FAM184A: variants seen among roughly 807,000 people sequenced by gnomAD.
FAM184A encodes the protein protein FAM184A.
In FAM184A, 99 loss-of-function variants were observed where a neutral mutation model predicts 143.8. The observed-to-expected ratio is 0.69, with a 90% confidence interval of 0.58 to 0.81. The LOEUF is 0.81. Ranked by LOEUF, FAM184A falls within the 40% of genes least tolerant of loss-of-function variation. The probability of loss-of-function intolerance (pLI) is 0.00; values close to 1 mark genes in which losing one functional copy is unlikely to be tolerated. For missense variants in FAM184A, 1,217 were observed against 1,310.5 expected, an observed-to-expected ratio of 0.93 and a Z score of 1.10; for synonymous variants, 427 against 446.4, an observed-to-expected ratio of 0.96 and a Z score of 0.55.
chr6:119,054,793 G>C (rs933144933), intron 1 of FAM184A, among the ~76,000 whole-genome samples: 1 of 152,124 alleles, frequency 6.6e-6, no homozygotes. Context: ...AATTCACATA[G>C]ACTTCTTGCC....
chr6:119,124,248 C>T (rs1216804115), intron 1 of FAM184A, among the ~76,000 whole-genome samples: 1 of 152,138 alleles, frequency 6.6e-6, no homozygotes, highest in South Asian at 2.1e-4. Flanking sequence ...GGCAGCATTG[C>T]TCTTACTCTA....
At chr6:118,970,860 A>T (rs2114555893) in intron 14 of FAM184A, among the ~76,000 whole-genome samples, 1 of 152,338 alleles carries the variant, frequency 6.6e-6, no homozygotes, top group South Asian at 2.1e-4. Context: ...AATGTCTGTG[A>T]TTCATGGACA....
At chr6:119,102,941 C>G (rs1207541397) in intron 1 of FAM184A, among the ~76,000 whole-genome samples, 5 of 152,118 alleles carry the variant, frequency 3.3e-5, no homozygotes, top group Non-Finnish European at 7.4e-5. Context: ...ACAATGTCTA[C>G]TCCCTTCTTA....
intron 1 of FAM184A, among the ~76,000 whole-genome samples, chr6:119,037,172 T>A (rs1786145376): frequency 6.6e-6 from 1 of 152,238 alleles, no homozygotes; most frequent in South Asian, 2.1e-4. Context: ...TCTGTTTGTA[T>A]GCCTACAATG....
At chr6:119,037,458 A>G (rs1786156557) in intron 1 of FAM184A, among the ~76,000 whole-genome samples, 1 of 152,158 alleles carries the variant, frequency 6.6e-6, no homozygotes, top group Non-Finnish European at 1.5e-5. Flanking sequence ...GTGCCACTAC[A>G]CCTGGCTTTG....
At chr6:119,041,681 C>T (rs1456689968) in intron 1 of FAM184A, among the ~76,000 whole-genome samples, 1 of 152,140 alleles carries the variant, frequency 6.6e-6, no homozygotes, top group Non-Finnish European at 1.5e-5. Flanking sequence ...TGTTTGTCAC[C>T]TTCGCAGACC....
rs1582565001 is a variant in FAM184A at position 119,057,712 on chromosome 6, C to T, written c.159+20429G>A. 2.0e-5 allele frequency among the ~76,000 whole-genome samples: 3 copies of T among 152,136 alleles called. No individual in the cohort carries two copies. In the East Asian group the frequency reaches 5.8e-4, roughly 29 times the overall value. On this transcript the variant is annotated intron_variant, in intron 1 of 17. Coordinates refer to ENST00000338891, the MANE Select transcript of FAM184A (RefSeq NM_024581.6). ...AAGCCGTGATTGAGCCTGTGCACTC[C>T]ACCCCAGGTGACAGAGGGCAACCTT...
At chr6:119,048,923 G>C (rs566881391) in intron 1 of FAM184A, among the ~76,000 whole-genome samples, 1 of 152,210 alleles carries the variant, frequency 6.6e-6, no homozygotes, top group East Asian at 1.9e-4. Flanking sequence ...CATTAAAATG[G>C]CCATACTGAC....
At chr6:118,987,209 T>C (rs1209884742) in intron 9 of FAM184A, among the ~76,000 whole-genome samples, 2 of 152,198 alleles carry the variant, frequency 1.3e-5, no homozygotes. Flanking sequence ...GTCATACCTA[T>C]TCGTTTACAT....
chr6:119,067,750 T>C (rs1382194990), intron 1 of FAM184A, among the ~76,000 whole-genome samples: 1 of 152,170 alleles, frequency 6.6e-6, no homozygotes, highest in African/African-American at 2.4e-5. Context: ...CTATATTTTA[T>C]TTGCTGCTCA....
At chr6:119,028,471 G>A (rs774088598) in intron 1 of FAM184A, among the ~76,000 whole-genome samples, 15 of 152,262 alleles carry the variant, frequency 9.9e-5, no homozygotes, top group African/African-American at 1.4e-4. Context: ...AGACAAGGTC[G>A]GAGAGTTGAG....
intron 9 of FAM184A, among the ~76,000 whole-genome samples, chr6:118,995,517 G>C (rs888367167): frequency 3.3e-5 from 5 of 152,214 alleles, no homozygotes; most frequent in Non-Finnish European, 1.5e-5. Context: ...TTAATTTCAA[G>C]TATACTAATA....
chr6:118,962,271 G>T, intron 16 of FAM184A: 1 of 293,242 alleles, frequency 3.4e-6, no homozygotes, highest in Non-Finnish European at 6.4e-6. Context: ...ATACCCTTTT[G>T]GGAAGAAAAG....
rs1028576792 is a variant in FAM184A at position 119,024,759 on chromosome 6, G to A, written c.214C>T (p.Leu72Phe). 6.2e-7 allele frequency: 1 copy of A among 1,613,016 alleles called. No homozygotes were observed. The highest frequency in any genetic ancestry group is 8.5e-7 in the Non-Finnish European group (1 of 1,179,864). The change falls in exon 2 of 18, where the codon CTC becomes TTC. Residue 72 changes from leucine to phenylalanine, a missense_variant. Coordinates refer to ENST00000338891, the MANE Select transcript of FAM184A (RefSeq NM_024581.6). The stretch of plus-strand genomic sequence containing the variant: ...ATTTCTTCTTCATGAGCATCTTTGA[G>A]GGCTTGAATTGCAGATTCATGCTCA... ...NDEHESAIQA[L>F]KDAHEEEIQQ...
chr6:119,061,756 C>A (rs569677438), intron 1 of FAM184A, among the ~76,000 whole-genome samples: 2 of 151,650 alleles, frequency 1.3e-5, no homozygotes, highest in African/African-American at 4.8e-5. Flanking sequence ...CTTATAAAAA[C>A]GTGATGAGAG....
chr6:119,000,641 A>G (rs1475851387), intron 9 of FAM184A, among the ~76,000 whole-genome samples: 1 of 152,204 alleles, frequency 6.6e-6, no homozygotes, highest in Non-Finnish European at 1.5e-5. Context: ...CCTTTCCTCT[A>G]AATAGGATGA....
intron 16 of FAM184A, chr6:118,963,941 A>G (rs1485638402): frequency 6.6e-6 from 1 of 152,154 alleles, no homozygotes; most frequent in Admixed American, 6.6e-5. Context: ...ACAAAGATTT[A>G]TAAGACTTGG....
chr6:119,017,423 G>A (rs1286214886), intron 4 of FAM184A, among the ~76,000 whole-genome samples: 2 of 151,058 alleles, frequency 1.3e-5, no homozygotes, highest in Non-Finnish European at 2.9e-5. Flanking sequence ...GCGTGAAACT[G>A]GGAGACAGAG....
intron 1 of FAM184A, among the ~76,000 whole-genome samples, chr6:119,144,968 C>A (rs997151451): frequency 2.0e-5 from 3 of 152,222 alleles, no homozygotes; most frequent in African/African-American, 7.2e-5. Flanking sequence ...CAAGCAACAT[C>A]ATCGCGTTAT....
Sources: allele counts gnomAD v4.1 joint callset (sites outside exome capture counted in the v4.1 genomes callset), GRCh38; gene constraint gnomAD v4.1.1; transcripts MANE v1.5; gene names NCBI Gene and HGNC (gene_info 2026-07-23, HGNC 2026-07-21).